Variants in SMYD4 observed in about 807,000 individuals in gnomAD.
SMYD4 encodes the protein SET and MYND domain containing 4, also known as protein-lysine N-methyltransferase SMYD4.
A neutral mutation model predicts 72.8 loss-of-function variants in SMYD4; 68 were observed. That is an observed-to-expected ratio of 0.93 (90% CI 0.77 to 1.14). SMYD4 has a LOEUF of 1.14. Ranked by LOEUF, SMYD4 falls within the 50% of genes most tolerant of loss-of-function variation. The pLI, the probability that SMYD4 is intolerant of heterozygous loss-of-function variation, is 0.00. For synonymous variants in SMYD4, 407 were observed against 388.6 expected (o/e 1.05, Z -0.56); for missense variants, 984 against 1,003.7 (o/e 0.98, Z 0.27).
chr17:1,782,767 CTTTT>C (rs35909616), intron 10 of SMYD4: 113 of 170,892 alleles, frequency 6.6e-4, no homozygotes, highest in South Asian at 1.4e-3. Context: ...GGAGGAAATT[CTTTT>C]TTTTTTTTTT....
At chr17:1,790,582 T>C (rs1331490586) in intron 5 of SMYD4, among the ~76,000 whole-genome samples, 1 of 152,064 alleles carries the variant, frequency 6.6e-6, no homozygotes, top group Admixed American at 6.6e-5. Flanking sequence ...AGTGGCATGA[T>C]CTCATCTCAC....
intron 2 of SMYD4, among the ~76,000 whole-genome samples, chr17:1,825,845 G>C (rs527841068): frequency 4.6e-5 from 7 of 151,434 alleles, no homozygotes; most frequent in Admixed American, 4.0e-4. Flanking sequence ...TGCTTAGGAT[G>C]GTTCACTCCA....
intron 1 of SMYD4, 87 bp downstream of exon 1, chr17:1,829,639 G>A (rs1027715089): frequency 1.1e-4 from 16 of 142,688 alleles, no homozygotes; most frequent in African/African-American, 3.1e-4. Context: ...TCAGCCCCGC[G>A]TTGCTGGACG....
rs1168821683 is a variant in SMYD4, at chr17:1,800,273, A to G, written c.1121T>C (p.Ile374Thr). 3 of 1,614,012 alleles carry G rather than the reference A, an allele frequency of 1.9e-6. No individual in the cohort carries two copies. The highest frequency in any genetic ancestry group is 2.5e-6 in the Non-Finnish European group (3 of 1,180,038). ...RKIITKLCDK[I>T]SNKDICLPES... ...AGGTAAACAGATGTCCTTGTTACTA[A>G]TCTTATCACAAAGCTTCGTTATGAT... The change falls in exon 5 of 11, where the codon ATT becomes ACT. Residue 374 changes from isoleucine (I) to threonine (T), a missense_variant. Ile to Thr is a moderately conservative substitution (Grantham distance 89). Transcript: ENST00000305513.
rs541398855 is a variant in SMYD4 at position 1,781,104 on chromosome 17, A to G, written c.*182T>C. ...CTGGCTAGTTTTTTGTATTTTTAGT[A>G]AAGATGGGGTTTCACCATGTTGGCC... On this transcript the variant is annotated 3_prime_UTR_variant, in exon 11 of 11. Transcript: ENST00000305513. The G allele has an allele frequency of 5.9e-5, 37 of 631,422 alleles. No individual in the cohort carries two copies. In the South Asian group the frequency reaches 8.3e-4, roughly 14 times the overall value. The allele number at this position is 631,422 out of a possible 1,614,324, so 39.1% of individuals were successfully genotyped here.
intron 3 of SMYD4, among the ~76,000 whole-genome samples, chr17:1,806,916 A>G (rs1307297850): frequency 6.6e-6 from 1 of 152,008 alleles, no homozygotes. Context: ...TTTTAGACAG[A>G]GTCTCTCGTT....
At chr17:1,801,532 G>A (rs558549621) in intron 4 of SMYD4, among the ~76,000 whole-genome samples, 3 of 147,454 alleles carry the variant, frequency 2.0e-5, no homozygotes, top group Admixed American at 1.4e-4. Context: ...GAGCCACTGC[G>A]CCCAGCCCCT....
intron 4 of SMYD4, 27 bp downstream of exon 4, chr17:1,804,599 T>A (rs8072508): frequency 0.3 from 483,524 of 1,605,556 alleles, 76,967 homozygotes; most frequent in African/African-American, 0.57. Context: ...GATCCTGTCC[T>A]CTCATACCAG....
At chr17:1,825,184 G>A (rs891754107) in intron 2 of SMYD4, among the ~76,000 whole-genome samples, 1 of 152,156 alleles carries the variant, frequency 6.6e-6, no homozygotes, top group African/African-American at 2.4e-5. Flanking sequence ...TGCAAGCACT[G>A]GGGAAAGGAT....
chr17:1,799,295 T>C (rs1909579067), intron 5 of SMYD4, among the ~76,000 whole-genome samples: 1 of 151,916 alleles, frequency 6.6e-6, no homozygotes, highest in Non-Finnish European at 1.5e-5. Context: ...AACATAGCTT[T>C]ACACAACTCT....
chr17:1,825,846 G>T (rs1156865464), intron 2 of SMYD4, among the ~76,000 whole-genome samples: 4 of 151,254 alleles, frequency 2.6e-5, no homozygotes, highest in Non-Finnish European at 1.5e-5. Context: ...GCTTAGGATG[G>T]TTCACTCCAC....
chr17:1,823,806 C>A (rs1911017750), intron 2 of SMYD4, among the ~76,000 whole-genome samples: 1 of 152,084 alleles, frequency 6.6e-6, no homozygotes, highest in Non-Finnish European at 1.5e-5. Context: ...AGCCTCTTCC[C>A]CTGGGGTGTT....
intron 10 of SMYD4, chr17:1,782,767 C>CTTT (rs35909616): frequency 3.2e-4 from 54 of 171,070 alleles, no homozygotes; most frequent in South Asian, 5.3e-4. Flanking sequence ...GGAGGAAATT[C>CTTT]TTTTTTTTTT....
chr17:1,792,760 C>T (rs1445206500), intron 5 of SMYD4, among the ~76,000 whole-genome samples: 1 of 152,086 alleles, frequency 6.6e-6, no homozygotes. Context: ...CTATCTACTT[C>T]GATACAGTGC....
At chr17:1,807,428 G>A (rs1910099053) in intron 3 of SMYD4, among the ~76,000 whole-genome samples, 1 of 147,488 alleles carries the variant, frequency 6.8e-6, no homozygotes, top group South Asian at 2.1e-4. Context: ...GCCCCCCCCG[G>A]CCCCCACACC....
chr17:1,795,009 T>C (rs901180273), intron 5 of SMYD4, among the ~76,000 whole-genome samples: 28 of 152,204 alleles, frequency 1.8e-4, no homozygotes, highest in African/African-American at 6.8e-4. Context: ...AATAAACTGC[T>C]AGATATGACA....
In SMYD4 at chr17:1,786,962, TCTTGTGAGG is replaced by T; in HGVS notation, c.1723_1731del (p.Pro575_Lys577del). 1.2e-6 allele frequency: 2 copies of T among 1,613,694 alleles called. No homozygotes were observed. Among genetic ancestry groups the T allele is most frequent in the Non-Finnish European group, 1.7e-6 (2 of 1,180,002 alleles). Reference sequence around the variant, plus strand: ...TGCCTTTCGGCAACCCCCATCCGGCTCTTGTGAGGCCCTGGAGGGAGATCACCGTCAGCC... The same window carrying T: ...TGCCTTTCGGCAACCCCCATCCGGCTCCCTGGAGGGAGATCACCGTCAGCC... On this transcript the variant is annotated inframe_deletion and splice_region_variant, in exon 7 of 11. Coordinates refer to ENST00000305513, the MANE Select transcript of SMYD4 (RefSeq NM_052928.3).
rs9894470 is a variant in SMYD4 at position 1,827,811 on chromosome 17, T to C, written c.134+50A>G. 17,453 of 1,571,508 alleles carry C rather than the reference T, an allele frequency of 0.011. 1,600 individuals carry two copies. In the African/African-American group the frequency reaches 0.2, roughly 18 times the overall value. ...CATTACTTCAGAGCAAATGACAAAA[T>C]AGAACATTTTTTGGCTCACAATTCC... On this transcript the variant is annotated intron_variant, in intron 2 of 10. Coordinates refer to ENST00000305513, the MANE Select transcript of SMYD4 (RefSeq NM_052928.3).
rs1171071027 is a variant in SMYD4 at position 1,818,046 on chromosome 17, C to A, written c.135-5931G>T. Among the ~76,000 whole-genome samples, 279 of 103,096 alleles carry A rather than the reference C, an allele frequency of 2.7e-3. 1 individual carries two copies. Among genetic ancestry groups the A allele is most frequent in the South Asian group, 3.8e-3 (11 of 2,864 alleles). The allele number at this position is 103,096 out of a possible 152,430, so 67.6% of individuals were successfully genotyped here. A position where few individuals can be genotyped will look rare whatever the true frequency, so the allele number is the denominator to read the frequency against. On this transcript the variant is annotated intron_variant, in intron 2 of 10. Transcript: ENST00000305513. ...TGGGCGATGGAGCAAGACTCTGTCTCAAAAAAAAAAAAAAAAAAAGTTGTT... is the reference window on the plus strand; with the variant it reads ...TGGGCGATGGAGCAAGACTCTGTCTAAAAAAAAAAAAAAAAAAAAGTTGTT...
Sources: allele counts gnomAD v4.1 joint callset (sites outside exome capture counted in the v4.1 genomes callset), GRCh38; gene constraint gnomAD v4.1.1; transcripts MANE v1.5; gene names NCBI Gene and HGNC (gene_info 2026-07-23, HGNC 2026-07-21).